NCAM1: variants seen among roughly 807,000 people sequenced by gnomAD.
NCAM1 encodes neural cell adhesion molecule 1.
Under a neutral mutation model 109.8 loss-of-function variants are expected in NCAM1, and 14 were observed. The ratio of observed to expected loss-of-function variants is 0.13; its 90% CI spans 0.08 to 0.20. NCAM1 has a LOEUF of 0.20. Ranked by LOEUF, NCAM1 falls within the 10% of genes least tolerant of loss-of-function variation. The probability of loss-of-function intolerance (pLI) is 1.00; values close to 1 mark genes in which losing one functional copy is unlikely to be tolerated. For missense variants in NCAM1, 774 were observed against 1,109.9 expected (o/e 0.70, Z 4.30); for synonymous variants, 418 against 442.9 (o/e 0.94, Z 0.70).
At chr11:113,016,395 T>C (rs1555075271) in intron 1 of NCAM1, among the ~76,000 whole-genome samples, 2 of 152,196 alleles carry the variant, frequency 1.3e-5, no homozygotes, top group Admixed American at 6.5e-5. Flanking sequence ...GACATAAAAA[T>C]AGGACACTGG....
At chr11:113,119,867 A>G (rs924140053) in intron 1 of NCAM1, among the ~76,000 whole-genome samples, 7 of 152,228 alleles carry the variant, frequency 4.6e-5, no homozygotes, top group African/African-American at 1.4e-4. Flanking sequence ...CACACAACCC[A>G]GCACCCTGTC....
At chr11:113,082,682 G>A (rs562561304) in intron 1 of NCAM1, among the ~76,000 whole-genome samples, 1 of 152,344 alleles carries the variant, frequency 6.6e-6, no homozygotes, top group East Asian at 1.9e-4. Flanking sequence ...GACGCTCTGA[G>A]CGTGCTTGAC....
At chr11:113,005,895 AT>A (rs1201134022) in intron 1 of NCAM1, among the ~76,000 whole-genome samples, 6 of 151,992 alleles carry the variant, frequency 3.9e-5, no homozygotes, top group Admixed American at 2.0e-4. Flanking sequence ...GGTTATTCTG[AT>A]TTTTTTTCCC....
intron 1 of NCAM1, among the ~76,000 whole-genome samples, chr11:112,967,834 G>C (rs1361629411): frequency 1.3e-5 from 2 of 152,136 alleles, no homozygotes; most frequent in Non-Finnish European, 2.9e-5. Flanking sequence ...CTGATTATAA[G>C]GTTGAAAACC....
intron 1 of NCAM1, among the ~76,000 whole-genome samples, chr11:113,019,153 C>T (rs901504952): frequency 6.6e-6 from 1 of 152,020 alleles, no homozygotes; most frequent in Admixed American, 6.6e-5. Flanking sequence ...GACACCTCTG[C>T]GCCATTCGAT....
At chr11:113,187,188 T>C (rs1164934363) in intron 1 of NCAM1, among the ~76,000 whole-genome samples, 1 of 152,200 alleles carries the variant, frequency 6.6e-6, no homozygotes, top group Non-Finnish European at 1.5e-5. Context: ...AGATTTTTGC[T>C]CTGTGAGGAA....
At chr11:113,199,829 TA>T (rs1555111558) in intron 1 of NCAM1, among the ~76,000 whole-genome samples, 11,708 of 115,748 alleles carry the variant, frequency 0.1, 575 homozygotes, top group East Asian at 0.27. Context: ...GAAACACCCT[TA>T]AAAAAAAAAA....
chr11:113,109,270 C>A (rs1195235885), intron 1 of NCAM1, among the ~76,000 whole-genome samples: 2 of 150,808 alleles, frequency 1.3e-5, no homozygotes. Context: ...ATTGCTTAAA[C>A]CCGGGAGGCG....
intron 1 of NCAM1, among the ~76,000 whole-genome samples, chr11:113,192,006 T>G (rs180880572): frequency 1.0e-3 from 159 of 152,328 alleles, no homozygotes; most frequent in Non-Finnish European, 2.0e-3. Flanking sequence ...ATTTTCTGAA[T>G]GTAAAGAATA....
At chr11:113,001,871 T>C (rs1331896327) in intron 1 of NCAM1, among the ~76,000 whole-genome samples, 2 of 152,138 alleles carry the variant, frequency 1.3e-5, no homozygotes, top group Non-Finnish European at 2.9e-5. Flanking sequence ...ATAGATGATG[T>C]CATCAGGACA....
intron 13 of NCAM1, 120 bp from the exon 14 acceptor site, chr11:113,234,913 A>G: frequency 1.5e-6 from 2 of 1,307,648 alleles, no homozygotes; most frequent in Non-Finnish European, 2.0e-6. Context: ...CAGAAATAGA[A>G]TTGCTGGACC....
chr11:113,029,327 A>G (rs1229520665), intron 1 of NCAM1, among the ~76,000 whole-genome samples: 1 of 152,230 alleles, frequency 6.6e-6, no homozygotes, highest in African/African-American at 2.4e-5. Context: ...AATACACGCA[A>G]TGGGGTTAAG....
chr11:113,018,677 G>C (rs1952285063), intron 1 of NCAM1, among the ~76,000 whole-genome samples: 1 of 152,128 alleles, frequency 6.6e-6, no homozygotes, highest in Admixed American at 6.6e-5. Context: ...TGATCATATA[G>C]ATAATGGCCC....
At chr11:113,242,710 A>G in intron 14 of NCAM1, 1 of 1,062,016 alleles carries the variant, frequency 9.4e-7, no homozygotes, top group Non-Finnish European at 1.5e-6. Flanking sequence ...ATATATACTC[A>G]CCCATGTATG....
intron 1 of NCAM1, among the ~76,000 whole-genome samples, chr11:113,068,967 G>T (rs573963300): frequency 1.3e-5 from 2 of 152,138 alleles, no homozygotes; most frequent in Admixed American, 6.5e-5. Context: ...TGTGAGTAAC[G>T]TTTGTGCTAT....
rs546072497 is a variant in NCAM1, at chr11:113,202,502, A to G, written c.127+49A>G. ...ATTTTAGAACTTGCTTCAGAAACTCACTGGGTAGAGCAGGAGCCCTCAGGC... is the reference window on the plus strand; with the variant it reads ...ATTTTAGAACTTGCTTCAGAAACTCGCTGGGTAGAGCAGGAGCCCTCAGGC... On this transcript the variant is annotated intron_variant, in intron 2 of 19. Coordinates refer to ENST00000316851, the MANE Select transcript of NCAM1 (RefSeq NM_181351.5). 32 of 1,537,932 alleles carry G rather than the reference A, an allele frequency of 2.1e-5. No homozygotes were observed. In the South Asian group the frequency reaches 3.7e-4, roughly 18 times the overall value.
intron 1 of NCAM1, among the ~76,000 whole-genome samples, chr11:113,070,375 A>T (rs1235465776): frequency 6.6e-6 from 1 of 152,166 alleles, no homozygotes; most frequent in East Asian, 1.9e-4. Context: ...AAAGATGCAG[A>T]AACATCATTC....
chr11:113,210,828 C>T (rs2136983313), intron 7 of NCAM1, among the ~76,000 whole-genome samples: 1 of 128,152 alleles, frequency 7.8e-6, no homozygotes, highest in East Asian at 2.4e-4. Flanking sequence ...ACACATATTT[C>T]ACAATTTCTT....
At chr11:113,098,406 G>T (rs1555090832) in intron 1 of NCAM1, among the ~76,000 whole-genome samples, 2 of 152,092 alleles carry the variant, frequency 1.3e-5, no homozygotes, top group African/African-American at 4.8e-5. Context: ...CTAAGGCAAG[G>T]TAGGTGCTTT....
Sources: gnomAD v4.1 joint callset for allele counts (sites outside exome capture counted in the v4.1 genomes callset) on GRCh38, gnomAD v4.1.1 for gene constraint, MANE v1.5 for transcripts, NCBI Gene and HGNC (gene_info 2026-07-23, HGNC 2026-07-21) for gene names.